AFF3: variants seen among roughly 807,000 people sequenced by gnomAD.
AFF3 encodes ALF transcription elongation factor 3, also known as AF4/FMR2 family member 3.
In AFF3, 32 loss-of-function variants were observed where a neutral mutation model predicts 129.7. That is an observed-to-expected ratio of 0.25 (90% CI 0.19 to 0.33). The LOEUF is 0.33. Ranked by LOEUF, AFF3 falls within the 10% of genes least tolerant of loss-of-function variation. The probability of loss-of-function intolerance (pLI) is 1.00; values close to 1 mark genes in which losing one functional copy is unlikely to be tolerated. For missense variants in AFF3, 1,373 were observed against 1,592.0 expected (o/e 0.86, Z 2.34); for synonymous variants, 644 against 635.4 (o/e 1.01, Z -0.20).
chr2:99,690,149 A>T (rs1675461218), intron 11 of AFF3, among the ~76,000 whole-genome samples: 2 of 132,064 alleles, frequency 1.5e-5, no homozygotes, highest in African/African-American at 2.8e-5. Context: ...TATAATAACC[A>T]CAATCTTTAT....
chr2:100,040,778 C>CG (rs1236952069), intron 4 of AFF3, among the ~76,000 whole-genome samples: 2 of 152,184 alleles, frequency 1.3e-5, no homozygotes, highest in Admixed American at 1.3e-4. Context: ...GGGGAGGCAG[C>CG]GTTGTTTTAG....
intron 8 of AFF3, among the ~76,000 whole-genome samples, chr2:99,813,884 C>T (rs1019746432): frequency 3.9e-5 from 6 of 152,236 alleles, no homozygotes; most frequent in African/African-American, 1.4e-4. Context: ...CACATGGCTG[C>T]TGACCCTACC....
chr2:100,051,449 G>A (rs913063315), intron 4 of AFF3, among the ~76,000 whole-genome samples: 1 of 152,176 alleles, frequency 6.6e-6, no homozygotes, highest in Non-Finnish European at 1.5e-5. Flanking sequence ...AATGTTCTGA[G>A]GCTGAAAATA....
In AFF3 at chr2:99,680,391, T is replaced by C. The variant is rs188130106; in HGVS notation, c.1092-7802A>G. Reference sequence around the variant, plus strand: ...AATTGAGTTTCTAAGGCTAAATGAATGCAAGTAGTGTGTGAAAGAACATGA... The same window carrying C: ...AATTGAGTTTCTAAGGCTAAATGAACGCAAGTAGTGTGTGAAAGAACATGA... On this transcript the variant is annotated intron_variant, in intron 11 of 24. Coordinates refer to ENST00000672756, the MANE Select transcript of AFF3 (RefSeq NM_001386135.1). 7.2e-5 allele frequency among the ~76,000 whole-genome samples: 11 copies of C among 152,306 alleles called. No individual in the cohort carries two copies. The East Asian group carries it at 1.2e-3, about 16-fold the overall frequency.
intron 11 of AFF3, among the ~76,000 whole-genome samples, chr2:99,718,597 C>G (rs1431447743): frequency 6.6e-6 from 1 of 152,102 alleles, no homozygotes; most frequent in Non-Finnish European, 1.5e-5. Flanking sequence ...ATCTTTATGT[C>G]TACTACTTCC....
At chr2:100,032,504 G>A (rs1684582410) in intron 4 of AFF3, among the ~76,000 whole-genome samples, 1 of 151,902 alleles carries the variant, frequency 6.6e-6, no homozygotes, top group Non-Finnish European at 1.5e-5. Flanking sequence ...ACTGATCTAA[G>A]TTCTGTCGAA....
At chr2:99,936,887 T>C (rs2106325459) in intron 7 of AFF3, among the ~76,000 whole-genome samples, 1 of 152,280 alleles carries the variant, frequency 6.6e-6, no homozygotes, top group Admixed American at 6.5e-5. Context: ...ATAAGCAGTG[T>C]CAACTCAGGA....
chr2:100,005,289 TAAAC>T (rs1393651587), intron 7 of AFF3, among the ~76,000 whole-genome samples: 2 of 152,200 alleles, frequency 1.3e-5, no homozygotes, highest in East Asian at 1.9e-4. Context: ...AATTCCAAAA[TAAAC>T]AAACATGTAA....
At chr2:100,123,791 G>A (rs1170776989) in intron 2 of AFF3, among the ~76,000 whole-genome samples, 1 of 152,080 alleles carries the variant, frequency 6.6e-6, no homozygotes, top group East Asian at 1.9e-4. Flanking sequence ...CAGTAAGCAC[G>A]TGAAACACAG....
At chr2:99,778,869 T>TG (rs1291901589) in intron 8 of AFF3, among the ~76,000 whole-genome samples, 1 of 129,226 alleles carries the variant, frequency 7.7e-6, no homozygotes, top group African/African-American at 3.2e-5. Context: ...TACCTATAAT[T>TG]TTGTGTGTGT....
Position 99,554,693 on chromosome 2 carries a change from C to A in AFF3, c.3325G>T (p.Ala1109Ser), listed in dbSNP as rs761743086. The A allele has an allele frequency of 6.2e-7, 1 of 1,614,058 alleles. No homozygotes were observed. Among genetic ancestry groups the A allele is most frequent in the Non-Finnish European group, 8.5e-7 (1 of 1,179,994 alleles). Reference protein sequence around the residue: ...KAAQAPSPWGASGKSTGTPSP... With the variant: ...KAAQAPSPWGSSGKSTGTPSP... ...GAAAAGCGAACTTACTTTCCACTGGCCCCCCACGGAGATGGGGCTTGGGCG... is the reference window on the plus strand; with the variant it reads ...GAAAAGCGAACTTACTTTCCACTGGACCCCCACGGAGATGGGGCTTGGGCG... Residue 1109 changes from alanine (A) to serine (S), a missense_variant, in exon 23 of 25, where the codon GCC becomes TCC. Transcript: ENST00000672756.
chr2:99,834,236 G>A (rs778996646), intron 8 of AFF3, among the ~76,000 whole-genome samples: 1 of 152,144 alleles, frequency 6.6e-6, no homozygotes, highest in Non-Finnish European at 1.5e-5. Context: ...TGTGCAAGGC[G>A]TCTTCATTAG....
At chr2:100,085,392 C>T (rs2105376729) in intron 4 of AFF3, among the ~76,000 whole-genome samples, 1 of 152,000 alleles carries the variant, frequency 6.6e-6, no homozygotes, top group Non-Finnish European at 1.5e-5. Context: ...CCCAAAGGCT[C>T]CAGTCTCCCT....
At chr2:100,128,119 G>A (rs1277769178) in intron 2 of AFF3, among the ~76,000 whole-genome samples, 1 of 150,844 alleles carries the variant, frequency 6.6e-6, no homozygotes, top group Non-Finnish European at 1.5e-5. Context: ...AAAATGGGAG[G>A]CACGAATAAT....
At chr2:99,961,319 C>T (rs1396945118) in intron 7 of AFF3, among the ~76,000 whole-genome samples, 1 of 152,186 alleles carries the variant, frequency 6.6e-6, no homozygotes, top group African/African-American at 2.4e-5. Flanking sequence ...TTGGGCATCA[C>T]AACTGCTGAA....
intron 18 of AFF3, among the ~76,000 whole-genome samples, chr2:99,576,678 A>G (rs950313563): frequency 7.9e-5 from 12 of 152,292 alleles, no homozygotes; most frequent in Admixed American, 4.6e-4. Flanking sequence ...CATGCTCTCA[A>G]AACCACCCAC....
intron 18 of AFF3, among the ~76,000 whole-genome samples, chr2:99,570,604 CTGGGATTACA>C (rs749868309): frequency 2.6e-5 from 4 of 152,176 alleles, no homozygotes; most frequent in Non-Finnish European, 5.9e-5. Flanking sequence ...TCCCAAAGTG[CTGGGATTACA>C]TGGCTTCCAT....
At chr2:99,991,914 CAA>C (rs200784821) in intron 7 of AFF3, among the ~76,000 whole-genome samples, 1 of 140,092 alleles carries the variant, frequency 7.1e-6, no homozygotes, top group African/African-American at 2.8e-5. Context: ...AAAACAAAAA[CAA>C]AAACAAAAAA....
intron 7 of AFF3, among the ~76,000 whole-genome samples, chr2:99,922,835 C>T (rs148522444): frequency 9.3e-4 from 142 of 152,270 alleles, no homozygotes; most frequent in African/African-American, 3.3e-3. Context: ...ATAAACCTCA[C>T]GGTTCCAGGC....
Sources: gnomAD v4.1 joint callset for allele counts (sites outside exome capture counted in the v4.1 genomes callset) on GRCh38, gnomAD v4.1.1 for gene constraint, MANE v1.5 for transcripts, NCBI Gene and HGNC (gene_info 2026-07-23, HGNC 2026-07-21) for gene names.